COL22A1: variants seen among roughly 807,000 people sequenced by gnomAD.
COL22A1 encodes the protein collagen alpha-1(XXII) chain.
In COL22A1, 221 loss-of-function variants were observed where a neutral mutation model predicts 248.9. The observed-to-expected ratio is 0.89, with a 90% CI of 0.80 to 0.99. COL22A1 has a LOEUF of 0.99. Among genes scored for constraint, COL22A1 ranks in the 50% least tolerant of loss-of-function variants. The probability of loss-of-function intolerance (pLI) is 0.00; values close to 1 mark genes in which losing one functional copy is unlikely to be tolerated. For missense variants in COL22A1, 2,240 were observed against 2,179.0 expected (o/e 1.03, Z -0.56); for synonymous variants, 891 against 793.4 (o/e 1.12, Z -2.07).
At chr8:138,601,469 C>T (rs774411149) in intron 60 of COL22A1, among the ~76,000 whole-genome samples, 4 of 152,094 alleles carry the variant, frequency 2.6e-5, no homozygotes, top group Admixed American at 6.6e-5. Flanking sequence ...ATGTCCGTGT[C>T]GTGCAACAGT....
intron 44 of COL22A1, among the ~76,000 whole-genome samples, chr8:138,657,646 A>G (rs1823399450): frequency 6.6e-6 from 1 of 152,234 alleles, no homozygotes; most frequent in South Asian, 2.1e-4. Flanking sequence ...AGGTGGACTC[A>G]GGATATGGCA....
At chr8:138,607,670 T>A (rs997827470) in intron 57 of COL22A1, among the ~76,000 whole-genome samples, 16 of 152,090 alleles carry the variant, frequency 1.1e-4, no homozygotes, top group African/African-American at 1.4e-4. Context: ...AACATTTTTT[T>A]AAAAAATGTT....
At chr8:138,829,069 G>C (rs1289729795) in intron 5 of COL22A1, among the ~76,000 whole-genome samples, 2 of 152,264 alleles carry the variant, frequency 1.3e-5, no homozygotes, top group Non-Finnish European at 2.9e-5. Flanking sequence ...CAGACTTGCA[G>C]ATCCGCAGGG....
At chr8:138,708,465 C>G (rs1481262412) in intron 30 of COL22A1, among the ~76,000 whole-genome samples, 1 of 152,108 alleles carries the variant, frequency 6.6e-6, no homozygotes, top group African/African-American at 2.4e-5. Flanking sequence ...CAGAACAGAG[C>G]CCTCAGAAAT....
At chr8:138,749,068 C>A (rs1832374289) in intron 22 of COL22A1, among the ~76,000 whole-genome samples, 1 of 152,176 alleles carries the variant, frequency 6.6e-6, no homozygotes, top group Non-Finnish European at 1.5e-5. Context: ...TCCTTGCCTG[C>A]TGCCATGTAA....
At chr8:138,722,919 G>C (rs868646084) in intron 25 of COL22A1, among the ~76,000 whole-genome samples, 1 of 150,570 alleles carries the variant, frequency 6.6e-6, no homozygotes. Flanking sequence ...CAGGGGGAGG[G>C]AGAGCATCAG....
At chr8:138,719,409 C>A (rs1829697008) in intron 27 of COL22A1, among the ~76,000 whole-genome samples, 1 of 152,152 alleles carries the variant, frequency 6.6e-6, no homozygotes, top group Non-Finnish European at 1.5e-5. Flanking sequence ...CTGGTACATT[C>A]ATGGGGGCCA....
chr8:138,674,392 C>T (rs539367180), intron 41 of COL22A1, among the ~76,000 whole-genome samples: 1 of 152,320 alleles, frequency 6.6e-6, no homozygotes, highest in South Asian at 2.1e-4. Flanking sequence ...CATATCTTTG[C>T]ACACTCCATA....
chr8:138,726,309 T>C (rs1466679516), intron 23 of COL22A1, among the ~76,000 whole-genome samples: 1 of 151,462 alleles, frequency 6.6e-6, no homozygotes, highest in Non-Finnish European at 1.5e-5. Context: ...CTGGGCAAAA[T>C]AGCAAGACCC....
chr8:138,912,285 GGCC>G (rs1815505476), intron 1 of COL22A1, among the ~76,000 whole-genome samples: 1 of 152,196 alleles, frequency 6.6e-6, no homozygotes, highest in Non-Finnish European at 1.5e-5. Flanking sequence ...CCATGCAGCA[GGCC>G]TCTAACAAAA....
At chr8:138,829,403 G>GTTTTTTTTTTTTTTTT (rs765618552) in intron 5 of COL22A1, among the ~76,000 whole-genome samples, 2 of 90,640 alleles carry the variant, frequency 2.2e-5, no homozygotes, top group African/African-American at 4.3e-5. Context: ...TTCCTTTCCT[G>GTTTTTTTTTTTTTTTT]TTTTTTTTTT....
intron 15 of COL22A1, among the ~76,000 whole-genome samples, chr8:138,776,458 C>T (rs1377073253): frequency 2.0e-5 from 3 of 152,138 alleles, no homozygotes; most frequent in African/African-American, 4.8e-5. Context: ...CCTCCTCCCT[C>T]GGGGATAGGG....
intron 10 of COL22A1, among the ~76,000 whole-genome samples, chr8:138,803,661 G>C (rs955548481): frequency 2.0e-5 from 3 of 152,146 alleles, no homozygotes; most frequent in Non-Finnish European, 4.4e-5. Context: ...AGAGCAGGTA[G>C]AGGAAAAAAC....
At chr8:138,858,154 C>A (rs56220053) in intron 3 of COL22A1, among the ~76,000 whole-genome samples, 1 of 152,142 alleles carries the variant, frequency 6.6e-6, no homozygotes. Context: ...TTGTGCTTTA[C>A]GTGTGTGGCA....
intron 18 of COL22A1, among the ~76,000 whole-genome samples, 173 bp from the exon 19 acceptor site, chr8:138,756,002 G>A (rs112861200): frequency 0.018 from 2,735 of 152,050 alleles, 76 homozygotes; most frequent in African/African-American, 0.059. Flanking sequence ...CTCAAAGTTC[G>A]GGTTCTGATC....
intron 3 of COL22A1, among the ~76,000 whole-genome samples, chr8:138,852,669 G>T (rs1821730997): frequency 6.6e-6 from 1 of 152,088 alleles, no homozygotes; most frequent in Admixed American, 6.6e-5. Flanking sequence ...TGCAAATTAG[G>T]CCCTCACAGC....
At position 138,650,565 on chromosome 8, in the gene COL22A1, A is replaced by G. The variant is rs560326083; in HGVS notation, c.3334-787T>C. ...ACCTGCCTCTTGGTTTGCCCCCTCC[A>G]TGGCCTTCTCTCTAATCCTCCCTCT... is the stretch of plus-strand genomic sequence containing the variant. On this transcript the variant is annotated intron_variant, in intron 45 of 64. Coordinates refer to ENST00000303045, the MANE Select transcript of COL22A1 (RefSeq NM_152888.3). 1.3e-3 allele frequency among the ~76,000 whole-genome samples: 198 copies of G among 152,156 alleles called. 1 individual carries two copies. Among genetic ancestry groups the G allele is most frequent in the Non-Finnish European group, 2.4e-3 (164 of 68,004 alleles).
At chr8:138,906,475 G>C (rs1296730527) in intron 1 of COL22A1, among the ~76,000 whole-genome samples, 1 of 152,154 alleles carries the variant, frequency 6.6e-6, no homozygotes, top group Non-Finnish European at 1.5e-5. Flanking sequence ...GATGCGCACA[G>C]AGCAGTATCA....
intron 21 of COL22A1, among the ~76,000 whole-genome samples, chr8:138,752,243 A>G (rs1832666699): frequency 6.6e-6 from 1 of 152,242 alleles, no homozygotes; most frequent in African/African-American, 2.4e-5. Flanking sequence ...TGTGAGTGGG[A>G]AACTGAAACC....
Sources: gnomAD v4.1 joint callset for allele counts (sites outside exome capture counted in the v4.1 genomes callset) on GRCh38, gnomAD v4.1.1 for gene constraint, MANE v1.5 for transcripts, NCBI Gene and HGNC (gene_info 2026-07-23, HGNC 2026-07-21) for gene names.